NCOR2: variants seen among roughly 807,000 people sequenced by gnomAD.
The protein encoded by NCOR2 is CTG repeat protein 26.
A neutral mutation model predicts 262.9 loss-of-function variants in NCOR2; 81 were observed. The observed-to-expected ratio is 0.31, with a 90% CI of 0.26 to 0.37. The LOEUF (loss-of-function observed/expected upper bound fraction) is 0.37, where lower values mean the gene tolerates loss of function less well. NCOR2 is among the 10% of genes least tolerant of loss of function. The pLI is 1.00. For missense variants in NCOR2, 3,385 were observed against 3,621.4 expected (o/e 0.93, Z 1.68); for synonymous variants, 1,659 against 1,559.3 (o/e 1.06, Z -1.51).
At chr12:124,563,510 G>GC (rs2052136777) in intron 1 of NCOR2, among the ~76,000 whole-genome samples, 1 of 152,264 alleles carries the variant, frequency 6.6e-6, no homozygotes, top group Non-Finnish European at 1.5e-5. Context: ...GCCGCCATCT[G>GC]CCCCAGGGCC....
chr12:124,461,231 C>T (rs1017372163), intron 5 of NCOR2, among the ~76,000 whole-genome samples: 8 of 152,236 alleles, frequency 5.3e-5, no homozygotes, highest in African/African-American at 1.9e-4. Context: ...CTGCTCTGAT[C>T]GTGGTGGGTG....
At chr12:124,337,078 C>T in exon 38 of NCOR2, 1 of 1,486,476 alleles carries the variant, frequency 6.7e-7, no homozygotes, top group Non-Finnish European at 8.9e-7. Context: ...AGACGGGCTC[C>T]ATGAGGGTAG....
chr12:124,395,598 G>A (rs1267950182), intron 16 of NCOR2, among the ~76,000 whole-genome samples: 1 of 152,202 alleles, frequency 6.6e-6, no homozygotes. Flanking sequence ...CTCCGCCGGT[G>A]AGTCATCCCC....
intron 7 of NCOR2, among the ~76,000 whole-genome samples, chr12:124,446,209 C>T (rs935358063): frequency 6.6e-5 from 10 of 152,204 alleles, no homozygotes; most frequent in Non-Finnish European, 1.3e-4. Context: ...CCTCAGCTTG[C>T]AAACCTCCCA....
At chr12:124,448,157 G>A (rs1209853894) in intron 7 of NCOR2, among the ~76,000 whole-genome samples, 1 of 152,218 alleles carries the variant, frequency 6.6e-6, no homozygotes, top group Admixed American at 6.5e-5. Flanking sequence ...ATGAATGAAT[G>A]AGGGAATGCC....
At chr12:124,345,953 G>C (rs1824262493) in intron 31 of NCOR2, among the ~76,000 whole-genome samples, 1 of 152,120 alleles carries the variant, frequency 6.6e-6, no homozygotes, top group South Asian at 2.1e-4. Context: ...CCTCGTCCTC[G>C]TACCATCGGC....
At chr12:124,420,041 G>A (rs141727061) in exon 13 of NCOR2, 43 of 1,612,746 alleles carry the variant, frequency 2.7e-5, no homozygotes, top group Middle Eastern at 3.3e-4. Flanking sequence ...AATAGAGGAC[G>A]CACTCAGCCA....
intron 13 of NCOR2, among the ~76,000 whole-genome samples, chr12:124,414,645 C>T (rs537943192): frequency 2.0e-5 from 3 of 152,346 alleles, no homozygotes; most frequent in Admixed American, 6.5e-5. Context: ...GTAAACATCA[C>T]GGAGAAGGGA....
chr12:124,483,813 C>A lies in NCOR2; in HGVS notation c.234-40G>T, dbSNP rs906303. On this transcript the variant is annotated intron_variant, in intron 2 of 46. Coordinates refer to ENST00000405201, the Ensembl canonical transcript of NCOR2. The surrounding 1 kb of genome is among the most constrained non-coding windows in gnomAD (Gnocchi z 6.3). ...GCATCCAACGTCACATAGGAGATTG[C>A]GGCTCTGAGAACTCCCGAGGCCCCG... 6 of 1,523,054 alleles carry A rather than the reference C, an allele frequency of 3.9e-6. No individual in the cohort carries two copies. Among genetic ancestry groups the A allele is most frequent in the South Asian group, 2.5e-5 (2 of 79,008 alleles). 94.3% of individuals were successfully genotyped at this position (1,523,054 alleles called of 1,614,324 possible).
At chr12:124,368,897 A>G (rs906700426) in intron 20 of NCOR2, among the ~76,000 whole-genome samples, 1 of 152,256 alleles carries the variant, frequency 6.6e-6, no homozygotes, top group East Asian at 1.9e-4. Context: ...TGGTGCCATC[A>G]GTCACTTGCA....
At chr12:124,325,462 C>G (rs1378873505) in exon 47 of NCOR2, 3 of 1,359,052 alleles carry the variant, frequency 2.2e-6, no homozygotes, top group Non-Finnish European at 2.9e-6. Flanking sequence ...GCTCCTCGTC[C>G]CAGGCGTGGT....
Position 124,430,638 on chromosome 12 carries a change from G to A in NCOR2, c.1032C>T (p.Arg344=), listed in dbSNP as rs371011372. ...ACCTCTGCATGCGCTCCTGCAGCTC[G>A]CGCTGCTTGCGGATCTCAGGGAACT... Residue 344 remains arginine (R), a synonymous_variant, in exon 9 of 47, where the codon CGC becomes CGT. Coordinates refer to ENST00000405201, the Ensembl canonical transcript of NCOR2. 35 of 1,613,536 alleles carry A rather than the reference G, an allele frequency of 2.2e-5. No homozygotes were observed. In the Middle Eastern group the frequency reaches 4.9e-4, roughly 23 times the overall value.
intron 4 of NCOR2, among the ~76,000 whole-genome samples, chr12:124,470,358 C>T (rs1243734): frequency 0.93 from 141,508 of 152,196 alleles, 65,883 homozygotes; most frequent in South Asian, 0.96. Flanking sequence ...CCTAGGTATA[C>T]ACCCATGAGA....
At chr12:124,333,303 T>C in intron 41 of NCOR2, 24 bp from the exon 44 acceptor site, 1 of 1,578,140 alleles carries the variant, frequency 6.3e-7, no homozygotes. Flanking sequence ...GGGCCCCAGA[T>C]GTGGTCAGAG....
In NCOR2 at chr12:124,419,954, T is replaced by C; in HGVS notation, c.1482+3A>G. The C allele has an allele frequency of 6.2e-7, 1 of 1,613,612 alleles. No individual in the cohort carries two copies. Among genetic ancestry groups the C allele is most frequent in the Admixed American group, 1.7e-5 (1 of 60,024 alleles). On this transcript the variant is annotated splice_donor_region_variant and intron_variant, in intron 13 of 46. Coordinates refer to ENST00000405201, the Ensembl canonical transcript of NCOR2. ...GGACAGTCACCCCCACCTTGCCTCT[T>C]ACCTGGCTCTTGCCGCGGCGCCGAT...
At chr12:124,516,538 G>T (rs1240181229) in intron 1 of NCOR2, among the ~76,000 whole-genome samples, 1 of 152,222 alleles carries the variant, frequency 6.6e-6, no homozygotes, top group Non-Finnish European at 1.5e-5. Context: ...ATCCAACCTT[G>T]TGGTTACAAT....
chr12:124,508,891 G>C (rs2049209427), intron 1 of NCOR2, among the ~76,000 whole-genome samples: 1 of 152,162 alleles, frequency 6.6e-6, no homozygotes, highest in South Asian at 2.1e-4. Context: ...CGGGCTGATG[G>C]GGGGACAGGA....
intron 7 of NCOR2, among the ~76,000 whole-genome samples, chr12:124,445,730 C>T (rs1444515097): frequency 1.3e-5 from 2 of 152,234 alleles, no homozygotes; most frequent in Non-Finnish European, 2.9e-5. Flanking sequence ...TCAGCCTCCC[C>T]TACTAGAATG....
Position 124,347,857 on chromosome 12 carries a change from T to C in NCOR2, c.4040A>G (p.Glu1347Gly), listed in dbSNP as rs1210176355. 2.6e-6 allele frequency: 4 copies of C among 1,568,594 alleles called. No homozygotes were observed. The South Asian group carries it at 3.5e-5, about 14-fold the overall frequency. ...GATGGACCCGCGGATGTGGTGCTGC[T>C]CTTTGAGGTGGTGGGGGCTGTGTCG... is the stretch of plus-strand genomic sequence containing the variant. Residue 1347 changes from glutamate (E) to glycine (G), a missense_variant, in exon 30 of 47, where the codon GAG (glutamate) becomes GGG (glycine). Glu to Gly is a moderately conservative substitution (Grantham distance 98). This residue lies in a region of NCOR2 where 1,615 missense variants were observed against 1,626.9 expected (regional missense o/e 0.99). Transcript: ENST00000405201.
Sources: allele counts gnomAD v4.1 joint callset (sites outside exome capture counted in the v4.1 genomes callset), GRCh38; gene constraint gnomAD v4.1.1; regional missense constraint gnomAD v4.1.1; non-coding constraint Gnocchi (gnomAD v3.1); transcripts MANE v1.5; gene names NCBI Gene and HGNC (gene_info 2026-07-23, HGNC 2026-07-21).